The following ZNF273 variants were observed in gnomAD, a reference collection of about 807,000 sequenced individuals.
ZNF273 encodes zinc finger protein 273.
ZNF273 carries 11 observed loss-of-function variants against 14.9 expected under a neutral mutation model. The ratio of observed to expected loss-of-function variants is 0.74; its 90% CI spans 0.46 to 1.22. The LOEUF is 1.22. Ranked by LOEUF, ZNF273 falls within the 50% of genes most tolerant of loss-of-function variation. The pLI is 0.00. For missense variants in ZNF273, 577 were observed against 660.6 expected (o/e 0.87, Z 1.39); for synonymous variants, 199 against 223.9 (o/e 0.89, Z 0.99).
At chr7:64,900,973 G>T (rs2129053080), upstream of ZNF273, among the ~76,000 whole-genome samples, 1 of 151,886 alleles carries the variant, frequency 6.6e-6, no homozygotes, top group Non-Finnish European at 1.5e-5. Context: ...TTATAGGCAT[G>T]AGCCAAGGCA....
intron 3 of ZNF273, among the ~76,000 whole-genome samples, chr7:64,925,965 A>C (rs62455580): frequency 0.04 from 5,910 of 147,180 alleles, 172 homozygotes; most frequent in East Asian, 0.15. Context: ...ATGTATTTTC[A>C]TATGATTATG....
chr7:64,914,915 A>G (rs1175367397), intron 1 of ZNF273, among the ~76,000 whole-genome samples: 1 of 122,862 alleles, frequency 8.1e-6, no homozygotes, highest in Non-Finnish European at 1.6e-5. Flanking sequence ...AGAAAAGGGG[A>G]AAAAATGGCC....
downstream of ZNF273, chr7:64,888,903 G>A (rs1791780932): frequency 6.1e-6 from 6 of 983,858 alleles, no homozygotes; most frequent in South Asian, 2.8e-4. Context: ...GAGTGCCAGA[G>A]TCCAAGTCAC....
intron 1 of ZNF273, among the ~76,000 whole-genome samples, chr7:64,909,097 G>C (rs897766218): frequency 1.3e-5 from 2 of 151,934 alleles, no homozygotes; most frequent in African/African-American, 2.4e-5. Flanking sequence ...TGTATTTTTT[G>C]TACGTACGGG....
intron 3 of ZNF273, among the ~76,000 whole-genome samples, chr7:64,925,049 G>A (rs760466433): frequency 2.6e-5 from 4 of 152,156 alleles, no homozygotes; most frequent in East Asian, 1.9e-4. Context: ...GTGATCCACC[G>A]CCTCGGTCTC....
chr7:64,927,414 C>T (rs1794814111), intron 3 of ZNF273, among the ~76,000 whole-genome samples: 1 of 152,196 alleles, frequency 6.6e-6, no homozygotes, highest in Non-Finnish European at 1.5e-5. Context: ...TTCTATATGG[C>T]TCTTTGCATT....
intron 1 of ZNF273, among the ~76,000 whole-genome samples, chr7:64,884,831 A>G (rs1354111930): frequency 6.6e-6 from 1 of 152,212 alleles, no homozygotes; most frequent in Non-Finnish European, 1.5e-5. Context: ...GGACCCGACT[A>G]ATGAGACGGC....
exon 2 of ZNF273, chr7:64,888,645 C>T: frequency 1.0e-6 from 1 of 985,898 alleles, no homozygotes; most frequent in Non-Finnish European, 1.2e-6. Context: ...GATCTGTTTT[C>T]TGCCCCTGAC....
upstream of ZNF273, among the ~76,000 whole-genome samples, chr7:64,903,040 C>A (rs553539633): frequency 6.6e-6 from 1 of 152,292 alleles, no homozygotes. Flanking sequence ...AATGCAAATA[C>A]CCCGTGGGTG....
At chr7:64,901,815 T>C (rs943292589), upstream of ZNF273, among the ~76,000 whole-genome samples, 5 of 151,942 alleles carry the variant, frequency 3.3e-5, no homozygotes, top group Non-Finnish European at 7.4e-5. Flanking sequence ...CCGGGCACGA[T>C]GGCACATGCC....
intron 1 of ZNF273, among the ~76,000 whole-genome samples, chr7:64,878,034 G>A (rs1180600031): frequency 2.0e-5 from 3 of 152,142 alleles, no homozygotes; most frequent in African/African-American, 4.8e-5. Context: ...GTGTGGGTGT[G>A]TGTGTGTTTC....
chr7:64,917,794 A>G, intron 2 of ZNF273, 87 bp downstream of exon 2: 3 of 1,373,554 alleles, frequency 2.2e-6, no homozygotes, highest in East Asian at 2.7e-5. Context: ...TGCATAAATA[A>G]ATTTTAGATC....
chr7:64,880,216 A>C (rs1043456775), downstream of ZNF273: 12 of 152,274 alleles, frequency 7.9e-5, no homozygotes, highest in African/African-American at 2.9e-4. Context: ...CAATAGAGGC[A>C]GACCATTCTG....
intron 1 of ZNF273, among the ~76,000 whole-genome samples, chr7:64,904,544 C>G (rs1362725013): frequency 6.6e-6 from 1 of 152,162 alleles, no homozygotes; most frequent in Admixed American, 6.6e-5. Context: ...AGACTACTCC[C>G]CACCCCCAAT....
At chr7:64,888,143 G>T (rs1441624734) in intron 1 of ZNF273, among the ~76,000 whole-genome samples, 3 of 152,134 alleles carry the variant, frequency 2.0e-5, no homozygotes, top group South Asian at 2.1e-4. Flanking sequence ...ACCTCTACCA[G>T]ACCTGTGCTT....
At chr7:64,903,202 G>A (rs908971362), upstream of ZNF273, 5 of 813,512 alleles carry the variant, frequency 6.1e-6, no homozygotes, top group South Asian at 1.6e-5. Flanking sequence ...AGGGACGCTG[G>A]GCTGGGACCC....
chr7:64,880,276 T>C (rs1288840691), downstream of ZNF273: 1 of 152,088 alleles, frequency 6.6e-6, no homozygotes, highest in Non-Finnish European at 1.5e-5. Context: ...TCCCTAAGAA[T>C]CCAAAAAGAT....
At chr7:64,936,822 T>A in the ZNF273 span, among the ~76,000 whole-genome samples, 1 of 152,222 alleles carries the variant, frequency 6.6e-6, no homozygotes, top group Non-Finnish European at 1.5e-5. Context: ...AATAGCACCA[T>A]GTGCTTTCCT....
chr7:64,879,180 C>A lies in ZNF273; in HGVS notation n.331-270C>A, dbSNP rs181127849. Reference sequence around the variant, plus strand: ...GTTGCTGGGTGGTACTTCCTCTCACCGTGGATGTAGTTGGCTGCCAGGGAT... The same window carrying A: ...GTTGCTGGGTGGTACTTCCTCTCACAGTGGATGTAGTTGGCTGCCAGGGAT... On this transcript the variant is annotated intron_variant and non_coding_transcript_variant, in intron 2 of 2. Transcript: ENST00000465954. Among the ~76,000 whole-genome samples the A allele has an allele frequency of 1.1e-4, 16 of 152,198 alleles. No individual in the cohort carries two copies. In the East Asian group the frequency reaches 2.9e-3, roughly 28 times the overall value.
Sources: allele counts gnomAD v4.1 joint callset (sites outside exome capture counted in the v4.1 genomes callset), GRCh38; gene constraint gnomAD v4.1.1; transcripts MANE v1.5; gene names NCBI Gene and HGNC (gene_info 2026-07-23, HGNC 2026-07-21).